The following RSPO3 variants were observed in gnomAD, a reference collection of about 807,000 sequenced individuals.
RSPO3 encodes the protein R-spondin 3, also known as R-spondin-3.
In RSPO3, 17 loss-of-function variants were observed where a neutral mutation model predicts 36.5. The ratio of observed to expected loss-of-function variants is 0.47; its 90% CI spans 0.32 to 0.70. RSPO3 has a LOEUF of 0.70. Ranked by LOEUF, RSPO3 falls within the 30% of genes least tolerant of loss-of-function variation. The pLI, the probability that RSPO3 is intolerant of heterozygous loss-of-function variation, is 0.04. For synonymous variants in RSPO3, 108 were observed against 107.0 expected, an observed-to-expected ratio of 1.01 and a Z score of -0.06; for missense variants, 294 against 322.5, an observed-to-expected ratio of 0.91 and a Z score of 0.68.
rs1259430790 is a variant in RSPO3 at position 127,195,823 on chromosome 6, G to C, written c.635G>C (p.Gly212Ala). Residue 212 changes from glycine (G) to alanine (A), a missense_variant and splice_region_variant, in exon 5 of 5, where the codon GGA becomes GCA. Physicochemically the swap from Gly to Ala is moderately conservative, Grantham distance 60. Transcript: ENST00000356698. ...TTAAAAGAGTATCCTTTCATTTCAG[G>C]AAAAAAAGGAAGGGAGAGGAAAAGA... ...QRKKCQKGER[G>A]KKGRERKRKK... 4 of 1,497,988 alleles carry C rather than the reference G, an allele frequency of 2.7e-6. No homozygotes were observed. The African/African-American group carries it at 4.3e-5, about 16-fold the overall frequency. The allele number at this position is 1,497,988 out of a possible 1,614,324, so 92.8% of individuals were successfully genotyped here.
chr6:127,163,396 A>G (rs1322392248), intron 4 of RSPO3, among the ~76,000 whole-genome samples: 1 of 152,134 alleles, frequency 6.6e-6, no homozygotes, highest in African/African-American at 2.4e-5. Context: ...CAGCTTCTTC[A>G]TAGAAGCATT....
intron 4 of RSPO3, among the ~76,000 whole-genome samples, chr6:127,171,192 G>A (rs1471898733): frequency 6.6e-6 from 1 of 151,736 alleles, no homozygotes; most frequent in Non-Finnish European, 1.5e-5. Context: ...TTATAATCAT[G>A]GTAAAATCTG....
At chr6:127,171,221 A>T (rs2114617127) in intron 4 of RSPO3, among the ~76,000 whole-genome samples, 1 of 151,834 alleles carries the variant, frequency 6.6e-6, no homozygotes, top group African/African-American at 2.4e-5. Flanking sequence ...ATTCCTGTGG[A>T]CTTTTTGCCA....
intron 1 of RSPO3, among the ~76,000 whole-genome samples, chr6:127,144,611 C>T (rs1681824547): frequency 8.4e-6 from 1 of 118,356 alleles, no homozygotes; most frequent in South Asian, 2.8e-4. Context: ...ATGATGTCTT[C>T]TTTTTCTGTA....
chr6:127,123,432 C>G (rs566396396), intron 1 of RSPO3, among the ~76,000 whole-genome samples: 2 of 152,108 alleles, frequency 1.3e-5, no homozygotes, highest in African/African-American at 4.8e-5. Flanking sequence ...TTTGATACGT[C>G]GTGTAACAGC....
chr6:127,167,520 C>A (rs1274059316), intron 4 of RSPO3, among the ~76,000 whole-genome samples: 1 of 151,854 alleles, frequency 6.6e-6, no homozygotes, highest in Non-Finnish European at 1.5e-5. Context: ...TCCAGTCTAT[C>A]ATTGATCACC....
chr6:127,168,994 T>A (rs180847719), intron 4 of RSPO3, among the ~76,000 whole-genome samples: 53 of 152,188 alleles, frequency 3.5e-4, no homozygotes, highest in African/African-American at 1.3e-3. Context: ...CTGTTTTGGT[T>A]ACTGTAGCCT....
chr6:127,142,910 G>A (rs959095609), intron 1 of RSPO3, among the ~76,000 whole-genome samples: 29 of 151,260 alleles, frequency 1.9e-4, no homozygotes, highest in African/African-American at 6.8e-4. Context: ...TGGGCCTTCT[G>A]TGCTCAAGGA....
At chr6:127,159,497 T>C (rs992948801) in intron 4 of RSPO3, among the ~76,000 whole-genome samples, 1 of 152,036 alleles carries the variant, frequency 6.6e-6, no homozygotes, top group African/African-American at 2.4e-5. Flanking sequence ...ATAAAATGTT[T>C]AGGGACACTC....
rs1260721630 is a variant in RSPO3, at chr6:127,148,755, G to A, written c.205G>A (p.Gly69Ser). 2 of 1,613,048 alleles carry A rather than the reference G, an allele frequency of 1.2e-6. No homozygotes were observed. Among genetic ancestry groups the A allele is most frequent in the African/African-American group, 1.3e-5 (1 of 74,834 alleles). Residue 69 changes from glycine (G) to serine (S), a missense_variant, in exon 2 of 5, where the codon GGC becomes AGC. Gly to Ser is a moderately conservative substitution (Grantham distance 56). Around this residue, in one of 3 missense-constraint regions of RSPO3, gnomAD observed 43 missense variants for 86.0 expected, o/e 0.50. Coordinates refer to ENST00000356698, the MANE Select transcript of RSPO3 (RefSeq NM_032784.5). ...PRLFFALERI[G>S]MKQIGVCLSS... ...ACTATTTTTTGCTCTGGAAAGAATT[G>A]GCATGAAGCAGATTGGAGTATGTCT...
chr6:127,144,945 A>G (rs1464737423), intron 1 of RSPO3, among the ~76,000 whole-genome samples: 1 of 151,964 alleles, frequency 6.6e-6, no homozygotes, highest in Non-Finnish European at 1.5e-5. Context: ...GGCTTTTCTA[A>G]TTAAGTAGCC....
intron 4 of RSPO3, among the ~76,000 whole-genome samples, chr6:127,185,701 C>T (rs1195408169): frequency 6.6e-6 from 1 of 150,386 alleles, no homozygotes; most frequent in Non-Finnish European, 1.5e-5. Context: ...GTACATTTTT[C>T]CCCCATAGAC....
At chr6:127,161,367 A>G (rs541201694) in intron 4 of RSPO3, among the ~76,000 whole-genome samples, 2 of 121,722 alleles carry the variant, frequency 1.6e-5, no homozygotes, top group Admixed American at 8.3e-5. Context: ...AATATTAAAG[A>G]AAAAGCTCTG....
At chr6:127,192,299 G>T (rs535645142) in intron 4 of RSPO3, among the ~76,000 whole-genome samples, 1 of 152,266 alleles carries the variant, frequency 6.6e-6, no homozygotes, top group South Asian at 2.1e-4. Context: ...GTTTGTGCAA[G>T]GGGTTAATAA....
At position 127,197,940 on chromosome 6, in the gene RSPO3, C is replaced by T. The variant is rs1174024197; in HGVS notation, c.*1933C>T. Among the ~76,000 whole-genome samples, 1 of 152,102 alleles carries T rather than the reference C, an allele frequency of 6.6e-6. No homozygotes were observed. The highest frequency in any genetic ancestry group is 2.4e-5 in the African/African-American group (1 of 41,408). Reference sequence around the variant, plus strand: ...GAATGATGTTAGGTAGAAATATGTCCCCAGGTTTGAGACCTTTCGGATGAT... The same window carrying T: ...GAATGATGTTAGGTAGAAATATGTCTCCAGGTTTGAGACCTTTCGGATGAT... On this transcript the variant is annotated 3_prime_UTR_variant, in exon 5 of 5. Coordinates refer to ENST00000356698, the MANE Select transcript of RSPO3 (RefSeq NM_032784.5).
chr6:127,196,139 T>C lies in RSPO3; in HGVS notation c.*132T>C. On this transcript the variant is annotated 3_prime_UTR_variant, in exon 5 of 5. Coordinates refer to ENST00000356698, the MANE Select transcript of RSPO3 (RefSeq NM_032784.5). ...TCTGTCTAAACAACATTCCCAGTAG[T>C]TGCTATATTCTTCATACAAGCATAG... 1 of 670,460 alleles carries C rather than the reference T, an allele frequency of 1.5e-6. No homozygotes were observed. The highest frequency in any genetic ancestry group is 2.3e-6 in the Non-Finnish European group (1 of 431,908). The allele number at this position is 670,460 out of a possible 1,614,324, so 41.5% of individuals were successfully genotyped here.
chr6:127,197,337 TG>T lies in RSPO3; in HGVS notation c.*1333del. ...CTGCTCCCCCTTCATTGCTTAGAAA[TG>T]GGCATCATTTCTTGTATGTCAGATC... On this transcript the variant is annotated 3_prime_UTR_variant, in exon 5 of 5. Transcript: ENST00000356698. 3.3e-6 allele frequency: 5 copies of T among 1,496,746 alleles called. No individual in the cohort carries two copies. Among genetic ancestry groups the T allele is most frequent in the Non-Finnish European group, 2.7e-6 (3 of 1,111,338 alleles). The allele number at this position is 1,496,746 out of a possible 1,614,324, so 92.7% of individuals were successfully genotyped here.
intron 4 of RSPO3, among the ~76,000 whole-genome samples, chr6:127,191,204 T>G (rs1443172474): frequency 6.6e-6 from 1 of 152,210 alleles, no homozygotes. Context: ...AAAACGTATT[T>G]GATATTCATT....
intron 4 of RSPO3, among the ~76,000 whole-genome samples, chr6:127,182,405 C>A (rs1775207386): frequency 6.6e-6 from 1 of 151,872 alleles, no homozygotes; most frequent in African/African-American, 2.4e-5. Flanking sequence ...CTCTTTACCC[C>A]TTTAAAACTT....
Sources: gnomAD v4.1 joint callset for allele counts (sites outside exome capture counted in the v4.1 genomes callset) on GRCh38, gnomAD v4.1.1 for gene constraint, gnomAD v4.1.1 regional missense constraint, MANE v1.5 for transcripts, NCBI Gene and HGNC (gene_info 2026-07-23, HGNC 2026-07-21) for gene names.